Variants in UBE2L3 observed in about 807,000 individuals in gnomAD.
UBE2L3 encodes ubiquitin conjugating enzyme E2 L3.
Under a neutral mutation model 17.8 loss-of-function variants are expected in UBE2L3, and 1 was observed. The ratio of observed to expected loss-of-function variants is 0.06; its 90% confidence interval spans 0.02 to 0.27. The LOEUF is 0.27. Ranked by LOEUF, UBE2L3 falls within the 10% of genes least tolerant of loss-of-function variation. UBE2L3 has a pLI of 1.00. For synonymous variants in UBE2L3, 44 were observed against 68.5 expected (o/e 0.64, Z 1.76); for missense variants, 40 against 192.6 (o/e 0.21, Z 4.69).
At chr22:21,566,524 G>A (rs771817519), upstream of UBE2L3, among the ~76,000 whole-genome samples, 47 of 151,760 alleles carry the variant, frequency 3.1e-4, no homozygotes, top group Non-Finnish European at 5.2e-4. Flanking sequence ...AGGTCGAGGC[G>A]GCAGTGAGCT....
At chr22:21,578,790 C>G (rs1197010743) in intron 1 of UBE2L3, among the ~76,000 whole-genome samples, 1 of 152,022 alleles carries the variant, frequency 6.6e-6, no homozygotes, top group Non-Finnish European at 1.5e-5. Context: ...GAATGACCAC[C>G]TGAGAAGGAG....
chr22:21,614,213 G>A (rs1256613540), intron 3 of UBE2L3, among the ~76,000 whole-genome samples: 2 of 152,144 alleles, frequency 1.3e-5, no homozygotes, highest in African/African-American at 4.8e-5. Flanking sequence ...CCTGACTGCT[G>A]TTCAGCTGCC....
intron 1 of UBE2L3, among the ~76,000 whole-genome samples, chr22:21,558,217 C>A (rs1352653108): frequency 2.6e-5 from 4 of 151,586 alleles, no homozygotes; most frequent in Non-Finnish European, 4.4e-5. Flanking sequence ...GCCTGCCTGG[C>A]CTTGAGGAGG....
chr22:21,582,187 A>G (rs2148411893), intron 1 of UBE2L3, among the ~76,000 whole-genome samples: 1 of 151,408 alleles, frequency 6.6e-6, no homozygotes, highest in African/African-American at 2.4e-5. Flanking sequence ...TTCGGTGCTT[A>G]TAGACTTGTA....
At chr22:21,577,715 G>A (rs1838534403) in intron 1 of UBE2L3, among the ~76,000 whole-genome samples, 1 of 152,166 alleles carries the variant, frequency 6.6e-6, no homozygotes, top group Admixed American at 6.5e-5. Flanking sequence ...TGGCTGTTTG[G>A]GTTTTGTTTG....
At chr22:21,569,136 T>C (rs1926816455) in intron 1 of UBE2L3, among the ~76,000 whole-genome samples, 1 of 151,376 alleles carries the variant, frequency 6.6e-6, no homozygotes, top group African/African-American at 2.4e-5. Context: ...GGCTCACGCC[T>C]GTAATCCCAG....
chr22:21,608,636 G>A (rs1465521451), intron 2 of UBE2L3, among the ~76,000 whole-genome samples: 1 of 151,944 alleles, frequency 6.6e-6, no homozygotes, highest in Non-Finnish European at 1.5e-5. Context: ...CGTTGGCCAG[G>A]CTGGTCTTGA....
intron 1 of UBE2L3, among the ~76,000 whole-genome samples, chr22:21,589,039 C>T (rs1288881807): frequency 6.6e-6 from 1 of 152,174 alleles, no homozygotes; most frequent in Non-Finnish European, 1.5e-5. Flanking sequence ...AGCAGTCTGC[C>T]TGCCTTGGCC....
intron 3 of UBE2L3, 110 bp downstream of exon 3, chr22:21,611,153 C>G: frequency 1.6e-6 from 2 of 1,275,724 alleles, no homozygotes; most frequent in Non-Finnish European, 2.1e-6. Context: ...TTCAGGTACA[C>G]GAAAAATGTA....
intron 3 of UBE2L3, among the ~76,000 whole-genome samples, chr22:21,612,317 T>TTTTTC (rs375210496): frequency 5.9e-5 from 9 of 152,124 alleles, no homozygotes; most frequent in African/African-American, 9.6e-5. Flanking sequence ...AGTGCCTGGT[T>TTTTTC]TTTTCTTTTC....
chr22:21,559,240 C>T (rs540008964), intron 1 of UBE2L3, among the ~76,000 whole-genome samples: 3 of 152,246 alleles, frequency 2.0e-5, no homozygotes, highest in Non-Finnish European at 4.4e-5. Context: ...CCCAGCTACT[C>T]GGGAGGCTGA....
In UBE2L3 at chr22:21,555,601, G is replaced by A. The variant is rs547733967; in HGVS notation, c.201+5951G>A. The A allele has an allele frequency of 1.9e-5, 3 of 154,456 alleles. No individual in the cohort carries two copies. In the East Asian group the frequency reaches 5.8e-4, roughly 30 times the overall value. The allele number at this position is 154,456 out of a possible 1,614,324, so 9.6% of individuals were successfully genotyped here. On this transcript the variant is annotated intron_variant, in intron 1 of 3. Coordinates refer to the UBE2L3 transcript ENST00000458578. ...GATCATGCCATTGCACTCTAGCCTG[G>A]GTGACAGTGCAAGACTCCATCTCAA... is the stretch of plus-strand genomic sequence containing the variant.
chr22:21,568,680 C>G (rs533914527), intron 1 of UBE2L3, among the ~76,000 whole-genome samples: 1 of 152,138 alleles, frequency 6.6e-6, no homozygotes, highest in Non-Finnish European at 1.5e-5. Context: ...GTAGCCCACC[C>G]CGCCAGCATC....
At chr22:21,559,376 C>A (rs1044512393) in intron 1 of UBE2L3, among the ~76,000 whole-genome samples, 6 of 149,148 alleles carry the variant, frequency 4.0e-5, no homozygotes, top group African/African-American at 1.5e-4. Context: ...AATAAACAAA[C>A]AAACAATAAA....
chr22:21,610,116 C>T (rs1230491365), intron 2 of UBE2L3, among the ~76,000 whole-genome samples: 1 of 152,180 alleles, frequency 6.6e-6, no homozygotes, highest in South Asian at 2.1e-4. Flanking sequence ...CCAACAGATT[C>T]AGTGGCAACT....
intron 2 of UBE2L3, among the ~76,000 whole-genome samples, chr22:21,601,517 G>T (rs1043618372): frequency 2.0e-5 from 3 of 151,676 alleles, no homozygotes; most frequent in African/African-American, 7.3e-5. Flanking sequence ...ATTTCACCAT[G>T]TTGGTCAGGC....
intron 1 of UBE2L3, among the ~76,000 whole-genome samples, chr22:21,587,956 A>G (rs141548339): frequency 8.5e-5 from 13 of 152,290 alleles, no homozygotes; most frequent in African/African-American, 3.1e-4. Context: ...CATTCTGAGA[A>G]GCATTGCTCT....
At chr22:21,594,223 G>A (rs1029723235) in intron 2 of UBE2L3, among the ~76,000 whole-genome samples, 1 of 152,258 alleles carries the variant, frequency 6.6e-6, no homozygotes, top group Non-Finnish European at 1.5e-5. Context: ...TCTCATGGAT[G>A]GATTGGCTGC....
At chr22:21,615,738 A>AG (rs1929737233) in intron 3 of UBE2L3, among the ~76,000 whole-genome samples, 1 of 152,110 alleles carries the variant, frequency 6.6e-6, no homozygotes, top group Non-Finnish European at 1.5e-5. Context: ...TCTATCACAG[A>AG]TGTGTGCGTG....
Sources: allele counts gnomAD v4.1 joint callset (sites outside exome capture counted in the v4.1 genomes callset), GRCh38; gene constraint gnomAD v4.1.1; transcripts MANE v1.5; gene names NCBI Gene and HGNC (gene_info 2026-07-23, HGNC 2026-07-21).